The following CDKAL1 variants were observed in gnomAD, a reference collection of about 807,000 sequenced individuals.
CDKAL1 encodes the protein threonylcarbamoyladenosine tRNA methylthiotransferase.
In CDKAL1, 32 loss-of-function variants were observed where a neutral mutation model predicts 68.2. That is an observed-to-expected ratio of 0.47 (90% CI 0.35 to 0.63). The LOEUF (loss-of-function observed/expected upper bound fraction) is 0.63, where lower values mean the gene tolerates loss of function less well. CDKAL1 is among the 30% of genes least tolerant of loss of function. The pLI is 0.00. For synonymous variants in CDKAL1, 234 were observed against 244.3 expected (o/e 0.96, Z 0.39); for missense variants, 606 against 696.7 (o/e 0.87, Z 1.47).
intron 8 of CDKAL1, among the ~76,000 whole-genome samples, chr6:20,782,167 T>C (rs1419958460): frequency 6.6e-6 from 1 of 152,184 alleles, no homozygotes; most frequent in African/African-American, 2.4e-5. Flanking sequence ...TAGCCCTCTT[T>C]TCTGTAGTCT....
intron 5 of CDKAL1, among the ~76,000 whole-genome samples, chr6:20,672,297 T>C (rs1392404076): frequency 5.3e-5 from 6 of 112,766 alleles, no homozygotes; most frequent in South Asian, 2.3e-4. Context: ...TCTCTCTCTC[T>C]CCCTCTCCCT....
intron 9 of CDKAL1, among the ~76,000 whole-genome samples, chr6:20,887,494 G>T (rs1002467274): frequency 2.0e-5 from 3 of 151,278 alleles, no homozygotes; most frequent in Non-Finnish European, 4.4e-5. Flanking sequence ...TAAAAGGAAC[G>T]AACTACCAAT....
chr6:20,668,826 C>A (rs1230494085), intron 5 of CDKAL1, among the ~76,000 whole-genome samples: 1 of 152,074 alleles, frequency 6.6e-6, no homozygotes, highest in Non-Finnish European at 1.5e-5. Context: ...TTTTTTTCTT[C>A]TTCTTTTATG....
chr6:21,199,316 C>T (rs549968344), intron 14 of CDKAL1, among the ~76,000 whole-genome samples: 30 of 152,278 alleles, frequency 2.0e-4, no homozygotes, highest in African/African-American at 7.0e-4. Flanking sequence ...CTTTTCAAAG[C>T]CCAGACTAAA....
chr6:21,117,288 G>GTT (rs10554335), intron 13 of CDKAL1, among the ~76,000 whole-genome samples: 3 of 143,340 alleles, frequency 2.1e-5, no homozygotes, highest in South Asian at 2.2e-4. Flanking sequence ...CAGATAAATT[G>GTT]TTTTTTTTTT....
At chr6:20,947,209 C>G (rs1039049521) in intron 9 of CDKAL1, among the ~76,000 whole-genome samples, 4 of 152,300 alleles carry the variant, frequency 2.6e-5, no homozygotes, top group Admixed American at 6.5e-5. Flanking sequence ...ATAGAAAACT[C>G]TCTTTGCTGT....
At chr6:21,049,786 T>A (rs1770440579) in intron 11 of CDKAL1, among the ~76,000 whole-genome samples, 1 of 152,126 alleles carries the variant, frequency 6.6e-6, no homozygotes, top group Non-Finnish European at 1.5e-5. Context: ...ACTAAATTCT[T>A]TGGTGTCATC....
chr6:21,108,385 TTG>T lies in CDKAL1; in HGVS notation c.1237-14_1237-13del. 1 of 1,596,702 alleles carries T rather than the reference TTG, an allele frequency of 6.3e-7. No individual in the cohort carries two copies. The highest frequency in any genetic ancestry group is 8.5e-7 in the Non-Finnish European group (1 of 1,169,662). The stretch of plus-strand genomic sequence containing the variant: ...TTTGTATGTTGGTTTTTTGTTTTTT[TTG>T]TTTTTTTTCACAGAAAAAGCAAAGG... On this transcript the variant is annotated splice_polypyrimidine_tract_variant and intron_variant, in intron 12 of 15. Coordinates refer to ENST00000274695, the MANE Select transcript of CDKAL1 (RefSeq NM_017774.3).
At chr6:21,218,719 C>A (rs1488322772) in intron 15 of CDKAL1, among the ~76,000 whole-genome samples, 1 of 152,110 alleles carries the variant, frequency 6.6e-6, no homozygotes, top group East Asian at 1.9e-4. Flanking sequence ...TCAGAGCAAG[C>A]AAGCAAGCAG....
At chr6:20,927,880 A>C (rs1162361816) in intron 9 of CDKAL1, among the ~76,000 whole-genome samples, 1 of 152,174 alleles carries the variant, frequency 6.6e-6, no homozygotes, top group Non-Finnish European at 1.5e-5. Flanking sequence ...AAATTATTCT[A>C]TCAGTTTTTA....
At chr6:21,221,768 A>G (rs1179764854) in intron 15 of CDKAL1, among the ~76,000 whole-genome samples, 2 of 152,230 alleles carry the variant, frequency 1.3e-5, no homozygotes, top group African/African-American at 2.4e-5. Flanking sequence ...CCTCTGAGCC[A>G]TGAGAAAAAT....
At chr6:21,202,726 A>G (rs1778741033) in intron 15 of CDKAL1, among the ~76,000 whole-genome samples, 1 of 152,220 alleles carries the variant, frequency 6.6e-6, no homozygotes, top group Non-Finnish European at 1.5e-5. Context: ...CATTGATAAT[A>G]CATAAACAAG....
chr6:20,793,759 A>ATTC (rs1339271038), intron 8 of CDKAL1, among the ~76,000 whole-genome samples: 14 of 106,840 alleles, frequency 1.3e-4, no homozygotes, highest in South Asian at 3.2e-4. Flanking sequence ...CATTTCAGGG[A>ATTC]TTGTTTTTTT....
chr6:20,540,067 T>C (rs897830439), intron 2 of CDKAL1, among the ~76,000 whole-genome samples: 4 of 142,062 alleles, frequency 2.8e-5, no homozygotes, highest in African/African-American at 1.2e-4. Context: ...CAGTAGAAGA[T>C]TGGGATTGTC....
At chr6:20,607,453 A>T (rs12206413) in intron 4 of CDKAL1, among the ~76,000 whole-genome samples, 47,438 of 152,038 alleles carry the variant, frequency 0.31, 7,885 homozygotes, top group Middle Eastern at 0.45. Flanking sequence ...TAGAAAAAAG[A>T]TTCAGAGGAC....
At chr6:21,160,494 C>T (rs2151062480) in intron 13 of CDKAL1, among the ~76,000 whole-genome samples, 1 of 151,090 alleles carries the variant, frequency 6.6e-6, no homozygotes, top group African/African-American at 2.4e-5. Flanking sequence ...GACGGGGTTT[C>T]ACCGTGTTGG....
intron 4 of CDKAL1, among the ~76,000 whole-genome samples, chr6:20,596,904 C>T (rs72830640): frequency 7.9e-5 from 12 of 152,248 alleles, no homozygotes; most frequent in Admixed American, 3.3e-4. Context: ...GGGAGTTCCT[C>T]GATGCCTTGT....
At chr6:20,757,603 A>G (rs1206464315) in intron 6 of CDKAL1, among the ~76,000 whole-genome samples, 1 of 152,170 alleles carries the variant, frequency 6.6e-6, no homozygotes, top group East Asian at 1.9e-4. Context: ...GGATAAAACT[A>G]TAGAACAGAC....
chr6:21,193,585 C>G (rs1156316168), intron 13 of CDKAL1, among the ~76,000 whole-genome samples: 1 of 152,192 alleles, frequency 6.6e-6, no homozygotes, highest in East Asian at 1.9e-4. Flanking sequence ...TCTCTTTCAT[C>G]TCAAAAATAA....
Sources: gnomAD v4.1 joint callset for allele counts (sites outside exome capture counted in the v4.1 genomes callset) on GRCh38, gnomAD v4.1.1 for gene constraint, MANE v1.5 for transcripts, NCBI Gene and HGNC (gene_info 2026-07-23, HGNC 2026-07-21) for gene names.